Variants in CNNM3 observed in about 807,000 individuals in gnomAD.
CNNM3 encodes the protein cyclin and CBS domain divalent metal cation transport mediator 3, also known as metal transporter CNNM3.
In CNNM3, 47 loss-of-function variants were observed where a neutral mutation model predicts 57.1. The ratio of observed to expected loss-of-function variants is 0.82; its 90% CI spans 0.65 to 1.05. The LOEUF (loss-of-function observed/expected upper bound fraction) is 1.05. CNNM3 is among the 50% of genes least tolerant of loss of function. The probability of loss-of-function intolerance (pLI) is 0.00; values close to 1 mark genes in which losing one functional copy is unlikely to be tolerated. For synonymous variants in CNNM3, 507 were observed against 478.2 expected (o/e 1.06, Z -0.79); for missense variants, 957 against 973.7 (o/e 0.98, Z 0.23).
Position 96,816,997 on chromosome 2 carries a change from G to A in CNNM3, c.720G>A (p.Pro240=), listed in dbSNP as rs1446964449. ...TGTTCCTGGTGGGAGAGGTGGTGCC[G>A]GCCGCCGTGAGCGGGCGCTGGACGC... ...GLVFLVGEVV[P]AAVSGRWTLA... The change falls in exon 1 of 8, where the codon CCG becomes CCA. Residue 240 remains proline (P), a synonymous_variant. Transcript: ENST00000305510. 2.2e-6 allele frequency: 3 copies of A among 1,366,050 alleles called. No individual in the cohort carries two copies. Among genetic ancestry groups the A allele is most frequent in the East Asian group, 3.7e-5 (1 of 27,102 alleles). 84.6% of individuals were successfully genotyped at this position (1,366,050 alleles called of 1,614,324 possible).
chr2:96,816,724 G>A lies in CNNM3; in HGVS notation c.447G>A (p.Ala149=). 1.2e-5 allele frequency: 12 copies of A among 1,012,624 alleles called. No individual in the cohort carries two copies. Among genetic ancestry groups the A allele is most frequent in the Non-Finnish European group, 1.3e-5 (11 of 849,808 alleles). The allele number at this position is 1,012,624 out of a possible 1,614,324, so 62.7% of individuals were successfully genotyped here. Residue 149 remains alanine, a synonymous_variant, in exon 1 of 8, where the codon GCG becomes GCA. Coordinates refer to ENST00000305510, the MANE Select transcript of CNNM3 (RefSeq NM_017623.5). Reference sequence around the variant, plus strand: ...CGGCCGGGCTGCTGGCGCTGGCAGCGCTGGCGCGAGGCCTGCAGCTGAGCG... The same window carrying A: ...CGGCCGGGCTGCTGGCGCTGGCAGCACTGGCGCGAGGCCTGCAGCTGAGCG... ...LGAAGLLALA[A]LARGLQLSAL... is the part of the protein sequence containing the mutation.
Position 96,816,853 on chromosome 2 carries a change from C to T in CNNM3, c.576C>T (p.Gly192=). 1.9e-6 allele frequency: 2 copies of T among 1,067,212 alleles called. No homozygotes were observed. Among genetic ancestry groups the T allele is most frequent in the Non-Finnish European group, 2.3e-6 (2 of 886,580 alleles). 66.1% of individuals were successfully genotyped at this position (1,067,212 alleles called of 1,614,324 possible). ...TGGAGCCCGCGCGGCGCTGGGCCGG[C>T]TGCGCCTTGGGCGCGCTGCTGCTGC... is the stretch of plus-strand genomic sequence containing the variant. ...RRLEPARRWA[G]CALGALLLLA... Residue 192 remains glycine, a synonymous_variant, in exon 1 of 8, where the codon GGC becomes GGT. Coordinates refer to ENST00000305510, the MANE Select transcript of CNNM3 (RefSeq NM_017623.5).
At chr2:96,818,554 C>T (rs2079360116) in intron 1 of CNNM3, among the ~76,000 whole-genome samples, 1 of 152,134 alleles carries the variant, frequency 6.6e-6, no homozygotes, top group Non-Finnish European at 1.5e-5. Flanking sequence ...CCCAGCCTCA[C>T]CTCTTCTTTT....
chr2:96,825,155 CGAG>C lies in CNNM3; in HGVS notation c.1327_1329del (p.Glu443del). ...GCCTGGTCACCCTGGAGGACGTGATCGAGGAGATCATCAGGTCCGAGATCCTGG... is the reference window on the plus strand; with the variant it reads ...GCCTGGTCACCCTGGAGGACGTGATCGAGATCATCAGGTCCGAGATCCTGG... On this transcript the variant is annotated inframe_deletion, in exon 2 of 8. Coordinates refer to ENST00000305510, the MANE Select transcript of CNNM3 (RefSeq NM_017623.5). 3 of 1,614,146 alleles carry C rather than the reference CGAG, an allele frequency of 1.9e-6. No homozygotes were observed. The highest frequency in any genetic ancestry group is 2.2e-5 in the East Asian group (1 of 44,858).
At position 96,832,572 on chromosome 2, in the gene CNNM3, G is replaced by A. The variant is rs531742632; in HGVS notation, c.2080G>A (p.Gly694Ser). The A allele has an allele frequency of 5.8e-5, 94 of 1,614,124 alleles. No homozygotes were observed. In the East Asian group the frequency reaches 1.0e-3, roughly 18 times the overall value. The change falls in exon 8 of 8, where the codon GGC (glycine) becomes AGC (serine). Residue 694 changes from glycine (G) to serine (S), a missense_variant. Physicochemically the swap from Gly to Ser is moderately conservative, Grantham distance 56. Around this residue, in one of 2 missense-constraint regions of CNNM3, gnomAD observed 491 missense variants for 570.6 expected, o/e 0.86. Transcript: ENST00000305510. Reference protein sequence around the residue: ...TAAGSSHSRPGVPVEGSPGRN... With the variant: ...TAAGSSHSRPSVPVEGSPGRN... ...TGTAGGGTCCAGCCACAGCAGGCCCGGCGTCCCGGTGGAAGGCAGCCCTGG... is the reference window on the plus strand; with the variant it reads ...TGTAGGGTCCAGCCACAGCAGGCCCAGCGTCCCGGTGGAAGGCAGCCCTGG...
At chr2:96,822,395 A>G (rs116435213) in intron 1 of CNNM3, among the ~76,000 whole-genome samples, 2,399 of 151,116 alleles carry the variant, frequency 0.016, 65 homozygotes, top group African/African-American at 0.054. Flanking sequence ...TGTAGCCTCT[A>G]CCTCCTGGGC....
Position 96,832,694 on chromosome 2 carries a change from G to A in CNNM3, c.*78G>A. ...GGAGTGAGCTGAGCAGAAGTTTTGT[G>A]CCCGCCTGCCCCCATCCCCTCCAGG... On this transcript the variant is annotated 3_prime_UTR_variant, in exon 8 of 8. Transcript: ENST00000305510. 1 of 1,594,886 alleles carries A rather than the reference G, an allele frequency of 6.3e-7. No individual in the cohort carries two copies. Among genetic ancestry groups the A allele is most frequent in the Non-Finnish European group, 8.5e-7 (1 of 1,174,856 alleles).
At position 96,834,295 on chromosome 2, in the gene CNNM3, CAG is replaced by C. The variant is rs1491327844; in HGVS notation, c.*1682_*1683del. ...CTGCCACCAGAGCTTGTGATTTAAT[CAG>C]AGTCGGCATCAGAGTTTTCAATTTT... On this transcript the variant is annotated 3_prime_UTR_variant, in exon 8 of 8. Coordinates refer to ENST00000305510, the MANE Select transcript of CNNM3 (RefSeq NM_017623.5). Among the ~76,000 whole-genome samples the C allele has an allele frequency of 6.6e-6, 1 of 151,792 alleles. No homozygotes were observed. The highest frequency in any genetic ancestry group is 1.5e-5 in the Non-Finnish European group (1 of 68,000).
intron 7 of CNNM3, 32 bp downstream of exon 7, chr2:96,829,166 TC>T: frequency 6.2e-7 from 1 of 1,605,370 alleles, no homozygotes; most frequent in Non-Finnish European, 8.5e-7. Flanking sequence ...GTGCATGGTG[TC>T]TGGACCTGAG....
At chr2:96,826,771 A>G in intron 2 of CNNM3, 62 bp from the exon 3 acceptor site, 1 of 1,595,504 alleles carries the variant, frequency 6.3e-7, no homozygotes, top group South Asian at 1.1e-5. Flanking sequence ...GCAGCCCCTT[A>G]GTGTGGTCGT....
At position 96,834,336 on chromosome 2, in the gene CNNM3, A is replaced by ATTATTG. The variant is rs2079655284; in HGVS notation, c.*1725_*1726insGTTATT. On this transcript the variant is annotated 3_prime_UTR_variant, in exon 8 of 8. Coordinates refer to ENST00000305510, the MANE Select transcript of CNNM3 (RefSeq NM_017623.5). ...GTTTTCAATTTTTTATTTATTTATTATTATTATTATTATTATTATTATTAT... is the reference window on the plus strand; with the variant it reads ...GTTTTCAATTTTTTATTTATTTATTATTATTGTTATTATTATTATTATTATTATTAT... Among the ~76,000 whole-genome samples, 1 of 147,348 alleles carries ATTATTG rather than the reference A, an allele frequency of 6.8e-6. No homozygotes were observed. Among genetic ancestry groups the ATTATTG allele is most frequent in the East Asian group, 2.0e-4 (1 of 5,062 alleles).
chr2:96,819,309 C>T (rs1363084185), intron 1 of CNNM3, among the ~76,000 whole-genome samples: 2 of 152,210 alleles, frequency 1.3e-5, no homozygotes, highest in Admixed American at 6.5e-5. Context: ...CTGGAATCAG[C>T]GGAGTAGGTT....
At chr2:96,827,440 G>A (rs1217514347) in intron 3 of CNNM3, among the ~76,000 whole-genome samples, 4 of 151,976 alleles carry the variant, frequency 2.6e-5, no homozygotes, top group African/African-American at 9.7e-5. Context: ...GCTAATTTTT[G>A]TATTTTTAGT....
rs1391983899 is a variant in CNNM3 at position 96,829,103 on chromosome 2, G to A, written c.2028G>A (p.Arg676=). The part of the protein sequence containing the change: ...DLQVIPGSQT[R]LLGEKTTTAA... ...AGGTTATTCCAGGCAGCCAGACCAG[G>A]CTCCTTGGTGAGAAGACCACCACAG... Residue 676 remains arginine (R), a synonymous_variant, in exon 7 of 8, where the codon AGG becomes AGA. Transcript: ENST00000305510. 3 of 1,613,792 alleles carry A rather than the reference G, an allele frequency of 1.9e-6. No individual in the cohort carries two copies. Among genetic ancestry groups the A allele is most frequent in the East Asian group, 2.2e-5 (1 of 44,878 alleles).
rs2079636983 is a variant in CNNM3, at chr2:96,833,276, T to A, written c.*660T>A. On this transcript the variant is annotated 3_prime_UTR_variant, in exon 8 of 8. Transcript: ENST00000305510. ...CTTCTGATTCTGAGAGCTGGCCTAG[T>A]GGTGCTGAGGGCCCCTTTCTGCTTC... 1 of 332,374 alleles carries A rather than the reference T, an allele frequency of 3.0e-6. No individual in the cohort carries two copies. The highest frequency in any genetic ancestry group is 4.1e-5 in the Admixed American group (1 of 24,266). The allele number at this position is 332,374 out of a possible 1,614,324, so 20.6% of individuals were successfully genotyped here. A position where few individuals can be genotyped will look rare whatever the true frequency, so the allele number is the denominator to read the frequency against.
chr2:96,825,641 G>A (rs2079488940), intron 2 of CNNM3, among the ~76,000 whole-genome samples: 1 of 152,340 alleles, frequency 6.6e-6, no homozygotes, highest in African/African-American at 2.4e-5. Context: ...AGTGGCTCAC[G>A]CCTGTAATCC....
chr2:96,820,676 A>G (rs1574101293), intron 1 of CNNM3, among the ~76,000 whole-genome samples: 2 of 152,190 alleles, frequency 1.3e-5, no homozygotes, highest in East Asian at 1.9e-4. Context: ...CCTTTGCAAG[A>G]GCAGATTTGG....
At chr2:96,820,502 G>A (rs1339287166) in intron 1 of CNNM3, among the ~76,000 whole-genome samples, 1 of 152,186 alleles carries the variant, frequency 6.6e-6, no homozygotes, top group African/African-American at 2.4e-5. Context: ...GAGCACAGGT[G>A]TGTCAGGGGC....
rs1467008076 is a variant in CNNM3, at chr2:96,833,046, C to A, written c.*430C>A. 4.7e-6 allele frequency: 6 copies of A among 1,289,856 alleles called. No individual in the cohort carries two copies. The highest frequency in any genetic ancestry group is 6.1e-6 in the Non-Finnish European group (6 of 987,534). 79.9% of individuals were successfully genotyped at this position (1,289,856 alleles called of 1,614,324 possible). A position where few individuals can be genotyped will look rare whatever the true frequency, so the allele number is the denominator to read the frequency against. On this transcript the variant is annotated 3_prime_UTR_variant, in exon 8 of 8. Transcript: ENST00000305510. ...TTGCTTTTAATTTGCCAACCTATCGCTGCTGGCAGCACTTTTTGAGCAAGC... is the reference window on the plus strand; with the variant it reads ...TTGCTTTTAATTTGCCAACCTATCGATGCTGGCAGCACTTTTTGAGCAAGC...
Sources: gnomAD v4.1 joint callset for allele counts (sites outside exome capture counted in the v4.1 genomes callset) on GRCh38, gnomAD v4.1.1 for gene constraint, gnomAD v4.1.1 regional missense constraint, MANE v1.5 for transcripts, NCBI Gene and HGNC (gene_info 2026-07-23, HGNC 2026-07-21) for gene names.